PTPRR: variants seen among roughly 807,000 people sequenced by gnomAD.
PTPRR encodes the protein receptor-type tyrosine-protein phosphatase R.
A neutral mutation model predicts 77.2 loss-of-function variants in PTPRR; 38 were observed. The ratio of observed to expected loss-of-function variants is 0.49; its 90% confidence interval spans 0.38 to 0.65. The LOEUF is 0.65. Ranked by LOEUF, PTPRR falls within the 30% of genes least tolerant of loss-of-function variation. PTPRR has a pLI of 0.00. For synonymous variants in PTPRR, 299 were observed against 283.1 expected (o/e 1.06, Z -0.57); for missense variants, 744 against 799.2 (o/e 0.93, Z 0.83).
intron 2 of PTPRR, among the ~76,000 whole-genome samples, chr12:70,784,124 C>T (rs992827729): frequency 1.3e-5 from 2 of 152,124 alleles, no homozygotes; most frequent in African/African-American, 4.8e-5. Context: ...CTCGGTGGAG[C>T]GGGAGGCCTA....
chr12:70,875,789 T>C (rs906734437), intron 2 of PTPRR, among the ~76,000 whole-genome samples: 2 of 152,044 alleles, frequency 1.3e-5, no homozygotes, highest in African/African-American at 2.4e-5. Flanking sequence ...GGCAGACAAA[T>C]GGATTATGTT....
intron 1 of PTPRR, among the ~76,000 whole-genome samples, chr12:70,910,346 A>T (rs903823272): frequency 6.6e-6 from 1 of 152,172 alleles, no homozygotes; most frequent in Non-Finnish European, 1.5e-5. Context: ...GTACTACATG[A>T]GTTAAGGCAT....
At chr12:70,702,082 T>A (rs1379068217) in intron 6 of PTPRR, among the ~76,000 whole-genome samples, 1 of 152,208 alleles carries the variant, frequency 6.6e-6, no homozygotes, top group Non-Finnish European at 1.5e-5. Flanking sequence ...CGAATTCATT[T>A]AATTTTGTGG....
At chr12:70,899,599 C>T (rs1893496309) in intron 1 of PTPRR, among the ~76,000 whole-genome samples, 2 of 151,234 alleles carry the variant, frequency 1.3e-5, no homozygotes, top group South Asian at 4.2e-4. Context: ...TACACCAAAC[C>T]CCACAGTACA....
At chr12:70,776,994 A>T (rs1891102557) in intron 2 of PTPRR, among the ~76,000 whole-genome samples, 1 of 152,140 alleles carries the variant, frequency 6.6e-6, no homozygotes, top group Admixed American at 6.6e-5. Context: ...CCTGCTAACC[A>T]TATCTTGTGT....
Position 70,638,863 on chromosome 12 carries a change from G to C in PTPRR, c.*321C>G. 1 of 242,116 alleles carries C rather than the reference G, an allele frequency of 4.1e-6. No homozygotes were observed. Among genetic ancestry groups the C allele is most frequent in the Non-Finnish European group, 8.0e-6 (1 of 125,138 alleles). 15.0% of individuals were successfully genotyped at this position (242,116 alleles called of 1,614,324 possible). On this transcript the variant is annotated 3_prime_UTR_variant, in exon 14 of 14. Transcript: ENST00000283228. The stretch of plus-strand genomic sequence containing the variant: ...TCATCACCTGATGACATTTATTACT[G>C]AATATTACATACATACATTCTGTGT...
At chr12:70,902,766 C>G (rs1423525942) in intron 1 of PTPRR, among the ~76,000 whole-genome samples, 1 of 151,578 alleles carries the variant, frequency 6.6e-6, no homozygotes, top group South Asian at 2.1e-4. Context: ...GGATAAAAGT[C>G]TAACAAATAG....
At chr12:70,820,306 A>G (rs976864196) in intron 2 of PTPRR, among the ~76,000 whole-genome samples, 4 of 152,156 alleles carry the variant, frequency 2.6e-5, no homozygotes, top group Non-Finnish European at 5.9e-5. Flanking sequence ...AAAACTTCAG[A>G]CAGGCTCCCC....
chr12:70,794,552 T>C (rs912446661), intron 2 of PTPRR, among the ~76,000 whole-genome samples: 1 of 152,190 alleles, frequency 6.6e-6, no homozygotes, highest in African/African-American at 2.4e-5. Flanking sequence ...ACGAAGCCTT[T>C]ACGACATTTT....
chr12:70,802,437 C>T (rs534752441), intron 2 of PTPRR, among the ~76,000 whole-genome samples: 2 of 152,080 alleles, frequency 1.3e-5, no homozygotes, highest in Non-Finnish European at 2.9e-5. Flanking sequence ...GAATTAGGCA[C>T]AAGATACAAC....
chr12:70,825,073 C>T (rs927066596), intron 2 of PTPRR, among the ~76,000 whole-genome samples: 8 of 151,892 alleles, frequency 5.3e-5, no homozygotes, highest in Non-Finnish European at 8.8e-5. Flanking sequence ...TCACAAGGTC[C>T]GGAGTTCGAG....
chr12:70,739,577 AGAGTATCTT>A (rs1310996073), intron 6 of PTPRR, among the ~76,000 whole-genome samples: 1 of 152,224 alleles, frequency 6.6e-6, no homozygotes, highest in East Asian at 1.9e-4. Context: ...CAGGAGACAC[AGAGTATCTT>A]GAGCCATAGT....
rs192200465 is a variant in PTPRR at position 70,643,843 on chromosome 12, C to T, written c.1881-4566G>A. 2.8e-3 allele frequency among the ~76,000 whole-genome samples: 423 copies of T among 152,152 alleles called. 1 individual carries two copies. The highest frequency in any genetic ancestry group is 2.9e-3 in the Non-Finnish European group (196 of 68,002). The stretch of plus-strand genomic sequence containing the variant: ...TGGCTGGATCGTGGCTCACTGCAGC[C>T]TCAACCTCCCAGGTCAACTGATCTC... On this transcript the variant is annotated intron_variant, in intron 13 of 13. Transcript: ENST00000283228.
chr12:70,779,327 T>G (rs902224883), intron 2 of PTPRR, among the ~76,000 whole-genome samples: 4 of 152,108 alleles, frequency 2.6e-5, no homozygotes, highest in African/African-American at 4.8e-5. Flanking sequence ...TAGACCTTTT[T>G]CAAGGCACTC....
intron 13 of PTPRR, among the ~76,000 whole-genome samples, chr12:70,654,626 C>T (rs970936688): frequency 1.3e-5 from 2 of 152,080 alleles, no homozygotes; most frequent in African/African-American, 2.4e-5. Flanking sequence ...TGCCTGTGTC[C>T]CTCTTTGTTT....
intron 5 of PTPRR, among the ~76,000 whole-genome samples, chr12:70,750,518 T>C (rs1311016122): frequency 6.6e-6 from 1 of 152,212 alleles, no homozygotes; most frequent in Non-Finnish European, 1.5e-5. Context: ...AAATCAAGCT[T>C]ATTATCAAAA....
At chr12:70,789,459 G>T (rs1022118334) in intron 2 of PTPRR, among the ~76,000 whole-genome samples, 1 of 152,002 alleles carries the variant, frequency 6.6e-6, no homozygotes, top group Non-Finnish European at 1.5e-5. Context: ...GCAAATTAAA[G>T]TGACTCAATC....
intron 8 of PTPRR, among the ~76,000 whole-genome samples, chr12:70,695,834 T>C (rs1380071116): frequency 6.6e-6 from 1 of 152,170 alleles, no homozygotes; most frequent in Non-Finnish European, 1.5e-5. Flanking sequence ...CCTTCAATGG[T>C]GACTCTACCT....
chr12:70,795,913 A>ATT (rs71437157), intron 2 of PTPRR, among the ~76,000 whole-genome samples: 8,931 of 87,720 alleles, frequency 0.1, 2,405 homozygotes, highest in African/African-American at 0.18. Context: ...TATTTAGTAG[A>ATT]TTTTTTTTTT....
Sources: allele counts gnomAD v4.1 joint callset (sites outside exome capture counted in the v4.1 genomes callset), GRCh38; gene constraint gnomAD v4.1.1; transcripts MANE v1.5; gene names NCBI Gene and HGNC (gene_info 2026-07-23, HGNC 2026-07-21).